The following ITGA3 variants were observed in gnomAD, a reference collection of about 807,000 sequenced individuals.
The protein encoded by ITGA3 is integrin alpha-3.
In ITGA3, 70 loss-of-function variants were observed where a neutral mutation model predicts 131.1. The observed-to-expected ratio is 0.53, with a 90% CI of 0.44 to 0.65. The LOEUF is 0.65. ITGA3 is among the 30% of genes least tolerant of loss of function. The pLI is 0.00. For synonymous variants in ITGA3, 537 were observed against 571.6 expected (o/e 0.94, Z 0.86); for missense variants, 1,098 against 1,388.6 (o/e 0.79, Z 3.33).
At position 50,064,525 on chromosome 17, in the gene ITGA3, CA is replaced by C; in HGVS notation, c.335-2del. 1.2e-6 allele frequency: 2 copies of C among 1,610,722 alleles called. No homozygotes were observed. The highest frequency in any genetic ancestry group is 1.7e-6 in the Non-Finnish European group (2 of 1,178,934). On this transcript the variant is annotated splice_acceptor_variant, in intron 2 of 25. Transcript: ENST00000320031. LOFTEE classifies it high-confidence loss of function. The surrounding 1 kb of genome is among the most constrained non-coding windows in gnomAD (Gnocchi z 4.4). The stretch of plus-strand genomic sequence containing the variant: ...TGATTCATGATCCTTCCGGTGCCCA[CA>C]GATGACCCTGGCCATCACATTATTG...
Position 50,079,125 on chromosome 17 carries a change from G to C in ITGA3, c.2450G>C (p.Gly817Ala). The C allele has an allele frequency of 6.2e-7, 1 of 1,613,942 alleles. No individual in the cohort carries two copies. Among genetic ancestry groups the C allele is most frequent in the South Asian group, 1.1e-5 (1 of 91,078 alleles). Reference sequence around the variant, plus strand: ...GTGGGCCTGGGGACCCTGGTCCTAGGTCTGGAGTGGCCCTACGAAGTCAGC... The same window carrying C: ...GTGGGCCTGGGGACCCTGGTCCTAGCTCTGGAGTGGCCCTACGAAGTCAGC... ...GLVGLGTLVL[G>A]LEWPYEVSNG... is the part of the protein sequence containing the mutation. The change falls in exon 20 of 26, where the codon GGT (glycine) becomes GCT (alanine). Residue 817 changes from glycine to alanine, a missense_variant. Physicochemically the swap from Gly to Ala is moderately conservative, Grantham distance 60. This residue lies in a region of ITGA3 where 699 missense variants were observed against 829.2 expected (regional missense o/e 0.84). Transcript: ENST00000320031.
At chr17:50,062,965 C>A (rs916930207) in intron 1 of ITGA3, among the ~76,000 whole-genome samples, 30 of 152,214 alleles carry the variant, frequency 2.0e-4, no homozygotes, top group African/African-American at 7.2e-4. Flanking sequence ...TCTGCTAAAA[C>A]TGAGTTCTCA....
chr17:50,087,679 T>C, intron 23 of ITGA3, 65 bp from the exon 24 acceptor site: 8 of 1,534,802 alleles, frequency 5.2e-6, no homozygotes, highest in South Asian at 1.2e-5. Context: ...CCAGCTAGGA[T>C]AGGAAGGGTG....
At chr17:50,071,764 T>A in intron 6 of ITGA3, 1 of 618,742 alleles carries the variant, frequency 1.6e-6, no homozygotes, top group Non-Finnish European at 2.8e-6. Context: ...TGGGTTTGAT[T>A]TGTGCCTGCA....
intron 23 of ITGA3, among the ~76,000 whole-genome samples, chr17:50,085,606 G>T (rs1316125051): frequency 2.0e-5 from 3 of 151,742 alleles, no homozygotes; most frequent in Non-Finnish European, 4.4e-5. Flanking sequence ...AGAGGTTGCA[G>T]TGAGCCAAGA....
In ITGA3 at chr17:50,064,256, G is replaced by C. The variant is rs949683652; in HGVS notation, c.334+52G>C. 8.3e-6 allele frequency: 13 copies of C among 1,564,306 alleles called. No homozygotes were observed. Among genetic ancestry groups the C allele is most frequent in the Admixed American group, 5.5e-5 (3 of 54,242 alleles). On this transcript the variant is annotated intron_variant, in intron 2 of 25. Transcript: ENST00000320031. This position sits in a 1 kb window ranked among gnomAD's most constrained non-coding sequence, Gnocchi z 4.4. ...GCTGGGTCAGAGGTCTGGCAGGGGG[G>C]TACCGCAGAGAGAATGGCCTGGAGG...
intron 23 of ITGA3, 158 bp from the exon 24 acceptor site, chr17:50,087,586 T>C: frequency 2.7e-6 from 2 of 729,634 alleles, no homozygotes; most frequent in East Asian, 2.6e-5. Flanking sequence ...CCACTGGACC[T>C]GCTGTCAGTG....
chr17:50,068,949 G>A (rs1192271639), intron 4 of ITGA3, among the ~76,000 whole-genome samples: 1 of 151,702 alleles, frequency 6.6e-6, no homozygotes, highest in African/African-American at 2.4e-5. Flanking sequence ...CAGGGTTCAC[G>A]CCATTCTCCT....
At chr17:50,076,902 G>C in intron 14 of ITGA3, 72 bp from the exon 15 acceptor site, 1 of 1,522,490 alleles carries the variant, frequency 6.6e-7, no homozygotes, top group Admixed American at 1.8e-5. Context: ...AGACCCCAGG[G>C]GCGGGGCCTA....
intron 24 of ITGA3, 116 bp downstream of exon 24, chr17:50,087,985 TC>T (rs1567707094): frequency 7.3e-7 from 1 of 1,377,926 alleles, no homozygotes; most frequent in African/African-American, 1.4e-5. Context: ...CCACCCTTCC[TC>T]CCTGTCCTCT....
Position 50,056,211 on chromosome 17 carries a change from C to G in ITGA3, c.-229C>G. ...GCCCGGGGCAGGGACGGCGGCGACC[C>G]GGCCGCTGGGGAGGCAGGAAGATAG... On this transcript the variant is annotated 5_prime_UTR_variant, in exon 1 of 26. Transcript: ENST00000320031. This position sits in a 1 kb window ranked among gnomAD's most constrained non-coding sequence, Gnocchi z 5.6. 1 of 438,564 alleles carries G rather than the reference C, an allele frequency of 2.3e-6. No homozygotes were observed. Among genetic ancestry groups the G allele is most frequent in the Non-Finnish European group, 4.0e-6 (1 of 251,004 alleles). The allele number at this position is 438,564 out of a possible 1,614,324, so 27.2% of individuals were successfully genotyped here.
intron 1 of ITGA3, among the ~76,000 whole-genome samples, chr17:50,058,765 G>C (rs1203737662): frequency 2.6e-5 from 4 of 152,238 alleles, no homozygotes; most frequent in African/African-American, 9.6e-5. Context: ...TGTGTAGCCA[G>C]ATGCAAACAG....
At chr17:50,076,036 T>C (rs1385714435) in intron 12 of ITGA3, among the ~76,000 whole-genome samples, 1 of 151,964 alleles carries the variant, frequency 6.6e-6, no homozygotes, top group Non-Finnish European at 1.5e-5. Context: ...GGGAGCAAGG[T>C]CAGTCCCTCT....
At chr17:50,076,780 G>A in intron 14 of ITGA3, 99 bp downstream of exon 14, 1 of 1,260,750 alleles carries the variant, frequency 7.9e-7, no homozygotes, top group Non-Finnish European at 1.1e-6. Context: ...GGCGAGCCCA[G>A]GGACAGGGCT....
intron 25 of ITGA3, among the ~76,000 whole-genome samples, chr17:50,088,894 T>G (rs536295513): frequency 1.3e-5 from 2 of 152,162 alleles, no homozygotes; most frequent in Non-Finnish European, 2.9e-5. Context: ...CATCTGCCTC[T>G]TCCTCTGCTC....
chr17:50,082,011 A>G (rs1909206901), intron 23 of ITGA3, among the ~76,000 whole-genome samples: 1 of 152,020 alleles, frequency 6.6e-6, no homozygotes, highest in African/African-American at 2.4e-5. Flanking sequence ...CTATTATTTT[A>G]TTTTATTTTG....
intron 1 of ITGA3, among the ~76,000 whole-genome samples, chr17:50,062,927 G>T (rs1439493399): frequency 6.6e-6 from 1 of 152,242 alleles, no homozygotes; most frequent in Non-Finnish European, 1.5e-5. Flanking sequence ...ACATTTAGAG[G>T]CTGCAGGGAG....
intron 24 of ITGA3, 134 bp from the exon 25 acceptor site, chr17:50,088,091 G>A (rs545409613): frequency 4.6e-6 from 6 of 1,317,410 alleles, no homozygotes; most frequent in Middle Eastern, 2.7e-4. Context: ...TCTGGCTTCT[G>A]ACCACACCAC....
chr17:50,057,222 G>T (rs924348502), intron 1 of ITGA3, among the ~76,000 whole-genome samples: 3 of 152,124 alleles, frequency 2.0e-5, no homozygotes, highest in African/African-American at 7.2e-5. Flanking sequence ...TTGAGGATAG[G>T]GGCGGTGAAA....
Sources: allele counts gnomAD v4.1 joint callset (sites outside exome capture counted in the v4.1 genomes callset), GRCh38; gene constraint gnomAD v4.1.1; regional missense constraint gnomAD v4.1.1; non-coding constraint Gnocchi (gnomAD v3.1); transcripts MANE v1.5; gene names NCBI Gene and HGNC (gene_info 2026-07-23, HGNC 2026-07-21).